The following CHST8 variants were observed in gnomAD, a reference collection of about 807,000 sequenced individuals.
The protein encoded by CHST8 is GALNAC-4-ST1.
A neutral mutation model predicts 15.0 loss-of-function variants in CHST8; 10 were observed. That is an observed-to-expected ratio of 0.67 (90% CI 0.41 to 1.13). CHST8 has a LOEUF of 1.13. Among genes scored for constraint, CHST8 ranks in the 50% most tolerant of loss-of-function variants. CHST8 has a pLI of 0.00. For synonymous variants in CHST8, 259 were observed against 256.6 expected, an observed-to-expected ratio of 1.01 and a Z score of -0.09; for missense variants, 634 against 608.2, an observed-to-expected ratio of 1.04 and a Z score of -0.45.
intron 1 of CHST8, among the ~76,000 whole-genome samples, chr19:33,634,353 C>T (rs1277135692): frequency 6.6e-6 from 1 of 152,128 alleles, no homozygotes; most frequent in East Asian, 1.9e-4. Context: ...ATATTTTGGA[C>T]CTGGAAACAT....
chr19:33,716,947 C>G (rs1040334991), intron 3 of CHST8, among the ~76,000 whole-genome samples: 1 of 152,080 alleles, frequency 6.6e-6, no homozygotes, highest in Non-Finnish European at 1.5e-5. Flanking sequence ...ATGGTTTTCC[C>G]TCTGCCCCTG....
intron 3 of CHST8, among the ~76,000 whole-genome samples, chr19:33,736,898 G>A (rs1036399368): frequency 2.6e-5 from 4 of 152,186 alleles, no homozygotes; most frequent in Admixed American, 2.6e-4. Context: ...AAAACAGGAT[G>A]CAGTAGAGAA....
chr19:33,696,801 T>C (rs779921452), intron 3 of CHST8, among the ~76,000 whole-genome samples: 2 of 151,826 alleles, frequency 1.3e-5, no homozygotes, highest in Non-Finnish European at 2.9e-5. Flanking sequence ...TGAAAAGCGT[T>C]CCCTTTTCAC....
At chr19:33,737,603 TG>T (rs1974111276) in intron 3 of CHST8, among the ~76,000 whole-genome samples, 1 of 152,218 alleles carries the variant, frequency 6.6e-6, no homozygotes, top group Admixed American at 6.5e-5. Flanking sequence ...TTCTCAAGGC[TG>T]TGGGCATCTG....
chr19:33,741,246 G>A (rs1974185374), intron 3 of CHST8, among the ~76,000 whole-genome samples: 1 of 147,440 alleles, frequency 6.8e-6, no homozygotes, highest in Admixed American at 6.8e-5. Context: ...ACCAAGGACT[G>A]GCCTCTGACT....
chr19:33,755,726 C>T (rs1003878855), intron 3 of CHST8, among the ~76,000 whole-genome samples: 3 of 152,184 alleles, frequency 2.0e-5, no homozygotes, highest in Admixed American at 6.5e-5. Context: ...CCTCTGTGTC[C>T]GTGGTGGGCT....
At chr19:33,631,372 CT>C (rs1457169852) in intron 1 of CHST8, among the ~76,000 whole-genome samples, 3 of 152,158 alleles carry the variant, frequency 2.0e-5, no homozygotes, top group Admixed American at 2.0e-4. Context: ...CTGACATGGG[CT>C]GGGAGTGGCA....
chr19:33,751,337 T>A (rs947303019), intron 3 of CHST8, among the ~76,000 whole-genome samples: 2 of 152,204 alleles, frequency 1.3e-5, no homozygotes, highest in Non-Finnish European at 2.9e-5. Flanking sequence ...AAGCTGAAAT[T>A]GAAGGATCCT....
chr19:33,743,296 CT>C lies in CHST8; in HGVS notation c.131-28094del, dbSNP rs916165328. Among the ~76,000 whole-genome samples the C allele has an allele frequency of 8.8e-3, 863 of 98,230 alleles. 1 individual carries two copies. The highest frequency in any genetic ancestry group is 0.019 in the Middle Eastern group (2 of 108). The allele number at this position is 98,230 out of a possible 152,430, so 64.4% of individuals were successfully genotyped here. A position where few individuals can be genotyped will look rare whatever the true frequency, so the allele number is the denominator to read the frequency against. On this transcript the variant is annotated intron_variant, in intron 3 of 4. Transcript: ENST00000650847. ...TCCTGCACTATCTACCACAGCAATTCTTTTTTTTTTTTTTTTTTTTTTTGAG... is the reference window on the plus strand; with the variant it reads ...TCCTGCACTATCTACCACAGCAATTCTTTTTTTTTTTTTTTTTTTTTTGAG...
At chr19:33,698,388 GAAAAA>G (rs869303685) in intron 3 of CHST8, among the ~76,000 whole-genome samples, 1 of 94,026 alleles carries the variant, frequency 1.1e-5, no homozygotes, top group African/African-American at 4.8e-5. Flanking sequence ...ATCTCAAAAA[GAAAAA>G]AAAAAAAAAG....
chr19:33,741,403 C>T (rs568339942), intron 3 of CHST8, among the ~76,000 whole-genome samples: 1 of 152,328 alleles, frequency 6.6e-6, no homozygotes, highest in South Asian at 2.1e-4. Context: ...TAAGTGTCTG[C>T]TGTCCACTGC....
chr19:33,686,010 C>G (rs889252120), intron 2 of CHST8, among the ~76,000 whole-genome samples: 1 of 152,156 alleles, frequency 6.6e-6, no homozygotes, highest in Non-Finnish European at 1.5e-5. Context: ...TTGCACGGAG[C>G]AGGGAGTTAG....
At chr19:33,659,924 T>C (rs1459755232) in intron 1 of CHST8, among the ~76,000 whole-genome samples, 3 of 152,270 alleles carry the variant, frequency 2.0e-5, no homozygotes, top group Non-Finnish European at 2.9e-5. Flanking sequence ...TTGTGAGACG[T>C]ACAGGTTTCT....
At chr19:33,631,987 T>A (rs1308255555) in intron 1 of CHST8, among the ~76,000 whole-genome samples, 5 of 152,180 alleles carry the variant, frequency 3.3e-5, no homozygotes, top group African/African-American at 1.2e-4. Context: ...TTATTACTAT[T>A]ATTATTACTA....
chr19:33,694,611 G>C (rs771722439), intron 3 of CHST8, among the ~76,000 whole-genome samples: 1 of 152,060 alleles, frequency 6.6e-6, no homozygotes, highest in Non-Finnish European at 1.5e-5. Context: ...ACAGAGTCTC[G>C]CTCTGTAGCC....
chr19:33,735,426 C>A (rs1416363994), intron 3 of CHST8, among the ~76,000 whole-genome samples: 1 of 152,228 alleles, frequency 6.6e-6, no homozygotes, highest in African/African-American at 2.4e-5. Context: ...CAGGCTGCCC[C>A]CTTCTCCCGA....
chr19:33,666,525 C>G (rs1972663517), intron 1 of CHST8, among the ~76,000 whole-genome samples: 1 of 152,116 alleles, frequency 6.6e-6, no homozygotes, highest in Admixed American at 6.5e-5. Flanking sequence ...GTGGGAGGGT[C>G]TGGGGCAGGT....
chr19:33,757,413 A>C lies in CHST8; in HGVS notation c.131-14000A>C, dbSNP rs1400084488. ...AAGAAAGAAAGAAAGAAAGAAAGAAAGAAAGAAAGAAAGAAAGAAAGAAAG... is the reference window on the plus strand; with the variant it reads ...AAGAAAGAAAGAAAGAAAGAAAGAACGAAAGAAAGAAAGAAAGAAAGAAAG... On this transcript the variant is annotated intron_variant, in intron 3 of 4. Transcript: ENST00000650847. 2.8e-4 allele frequency among the ~76,000 whole-genome samples: 2 copies of C among 7,084 alleles called. 1 individual carries two copies. Among genetic ancestry groups the C allele is most frequent in the African/African-American group, 8.5e-4 (2 of 2,360 alleles). 4.6% of individuals were successfully genotyped at this position (7,084 alleles called of 152,430 possible).
At chr19:33,687,553 C>T (rs534591867) in intron 2 of CHST8, among the ~76,000 whole-genome samples, 3 of 152,208 alleles carry the variant, frequency 2.0e-5, no homozygotes, top group Non-Finnish European at 4.4e-5. Context: ...GCCGCAGGAA[C>T]CAACTGCTCG....
Sources: gnomAD v4.1 joint callset for allele counts (sites outside exome capture counted in the v4.1 genomes callset) on GRCh38, gnomAD v4.1.1 for gene constraint, MANE v1.5 for transcripts, NCBI Gene and HGNC (gene_info 2026-07-23, HGNC 2026-07-21) for gene names.